Variants in NELL2 observed in about 807,000 individuals in gnomAD.
The protein encoded by NELL2 is protein kinase C-binding protein NELL2.
In NELL2, 41 loss-of-function variants were observed where a neutral mutation model predicts 109.6. The observed-to-expected ratio is 0.37, with a 90% CI of 0.29 to 0.49. NELL2 has a LOEUF of 0.49. Ranked by LOEUF, NELL2 falls within the 20% of genes least tolerant of loss-of-function variation. The probability of loss-of-function intolerance (pLI) is 0.98; values close to 1 mark genes in which losing one functional copy is unlikely to be tolerated. For synonymous variants in NELL2, 355 were observed against 344.7 expected, an observed-to-expected ratio of 1.03 and a Z score of -0.33; for missense variants, 900 against 1,008.3, an observed-to-expected ratio of 0.89 and a Z score of 1.45.
chr12:44,784,974 G>A (rs1453822152), intron 3 of NELL2, among the ~76,000 whole-genome samples: 1 of 152,168 alleles, frequency 6.6e-6, no homozygotes, highest in Non-Finnish European at 1.5e-5. Flanking sequence ...ACCGGCACAA[G>A]ACAAGGATGC....
At position 44,821,371 on chromosome 12, in the gene NELL2, G is replaced by T. The variant is rs568559325; in HGVS notation, c.185-5235C>A. 6.6e-5 allele frequency among the ~76,000 whole-genome samples: 10 copies of T among 152,250 alleles called. No individual in the cohort carries two copies. In the South Asian group the frequency reaches 1.7e-3, roughly 25 times the overall value. On this transcript the variant is annotated intron_variant, in intron 2 of 19. Coordinates refer to ENST00000429094, the MANE Select transcript of NELL2 (RefSeq NM_001145108.2). ...CCTGAACATGGCATCCTTTATCCAT[G>T]CCTAATTGCCAGTCACAAACAAATG...
chr12:44,534,729 T>C (rs985173550), intron 15 of NELL2, among the ~76,000 whole-genome samples: 12 of 152,238 alleles, frequency 7.9e-5, no homozygotes, highest in Admixed American at 2.6e-4. Flanking sequence ...GTGAGTTTTA[T>C]TGGAAGAAAG....
intron 13 of NELL2, among the ~76,000 whole-genome samples, chr12:44,644,716 C>T (rs1361784747): frequency 1.4e-5 from 2 of 147,378 alleles, no homozygotes; most frequent in Non-Finnish European, 3.0e-5. Flanking sequence ...ACATAATGTG[C>T]TTTGATGCTC....
chr12:44,657,548 T>A (rs1566101079), intron 13 of NELL2, among the ~76,000 whole-genome samples: 2 of 152,268 alleles, frequency 1.3e-5, no homozygotes, highest in Middle Eastern at 6.8e-3. Context: ...GTCACATAGG[T>A]ATACACGTGC....
chr12:44,854,466 C>T (rs1015366735), intron 2 of NELL2, among the ~76,000 whole-genome samples: 1 of 152,002 alleles, frequency 6.6e-6, no homozygotes, highest in Non-Finnish European at 1.5e-5. Flanking sequence ...GAGGATGTTA[C>T]GGACATCAGG....
intron 19 of NELL2, among the ~76,000 whole-genome samples, chr12:44,512,373 T>C (rs896188216): frequency 5.3e-5 from 8 of 152,068 alleles, no homozygotes; most frequent in African/African-American, 1.9e-4. Context: ...TTGTGCACTG[T>C]TGGTGGGACT....
At chr12:44,538,721 G>A (rs1380750040) in intron 15 of NELL2, among the ~76,000 whole-genome samples, 1 of 152,058 alleles carries the variant, frequency 6.6e-6, no homozygotes, top group Non-Finnish European at 1.5e-5. Flanking sequence ...GTGGAGACAA[G>A]GATAAAGAAG....
At chr12:44,630,901 A>C (rs145343934) in intron 13 of NELL2, among the ~76,000 whole-genome samples, 224 of 152,220 alleles carry the variant, frequency 1.5e-3, no homozygotes, top group African/African-American at 4.8e-3. Flanking sequence ...TCACTGACTC[A>C]AGAATATGGT....
chr12:44,582,739 G>A (rs1403155643), intron 15 of NELL2, among the ~76,000 whole-genome samples: 1 of 152,090 alleles, frequency 6.6e-6, no homozygotes, highest in Non-Finnish European at 1.5e-5. Flanking sequence ...ACAGAGTATT[G>A]TTTGGTGCTA....
At chr12:44,889,518 C>T (rs1200226580) in intron 1 of NELL2, among the ~76,000 whole-genome samples, 1 of 151,974 alleles carries the variant, frequency 6.6e-6, no homozygotes, top group Non-Finnish European at 1.5e-5. Context: ...TCCACATGGA[C>T]CCAGCCGGTG....
At chr12:44,562,914 C>CCCAA (rs1461827996) in intron 15 of NELL2, among the ~76,000 whole-genome samples, 1 of 152,158 alleles carries the variant, frequency 6.6e-6, no homozygotes, top group Non-Finnish European at 1.5e-5. Context: ...TTGGAAGCAA[C>CCCAA]CCAAATGCCC....
intron 3 of NELL2, among the ~76,000 whole-genome samples, chr12:44,814,571 C>G (rs1329191925): frequency 6.6e-6 from 1 of 152,162 alleles, no homozygotes; most frequent in Admixed American, 6.5e-5. Context: ...TGGGATTGCT[C>G]CCTTTCTTGC....
At chr12:44,692,335 C>A (rs750336617) in intron 12 of NELL2, among the ~76,000 whole-genome samples, 10 of 152,148 alleles carry the variant, frequency 6.6e-5, no homozygotes, top group Non-Finnish European at 1.0e-4. Flanking sequence ...TTAAAGTCCA[C>A]TGTTCAGAAT....
intron 2 of NELL2, among the ~76,000 whole-genome samples, chr12:44,857,677 G>A (rs542939155): frequency 6.6e-6 from 1 of 152,290 alleles, no homozygotes; most frequent in Non-Finnish European, 1.5e-5. Context: ...AATTGTGCTT[G>A]TAAAGTAATT....
At chr12:44,787,084 A>C (rs1942206703) in intron 3 of NELL2, among the ~76,000 whole-genome samples, 1 of 152,236 alleles carries the variant, frequency 6.6e-6, no homozygotes, top group Non-Finnish European at 1.5e-5. Flanking sequence ...GCAGGGTCAT[A>C]GGATACAATA....
chr12:44,722,125 A>G (rs1938808353), intron 9 of NELL2, among the ~76,000 whole-genome samples: 1 of 152,172 alleles, frequency 6.6e-6, no homozygotes, highest in South Asian at 2.1e-4. Context: ...AGGAGAACCA[A>G]AACAATTTCA....
chr12:44,806,029 C>A (rs970501876), intron 3 of NELL2, among the ~76,000 whole-genome samples: 1 of 151,410 alleles, frequency 6.6e-6, no homozygotes, highest in African/African-American at 2.4e-5. Flanking sequence ...AAAATTATTT[C>A]TTCACTATGT....
intron 9 of NELL2, among the ~76,000 whole-genome samples, chr12:44,723,340 GA>G (rs1938892240): frequency 6.6e-6 from 1 of 152,132 alleles, no homozygotes; most frequent in Non-Finnish European, 1.5e-5. Flanking sequence ...AAATCGAAGA[GA>G]AAAATAAAAT....
intron 2 of NELL2, among the ~76,000 whole-genome samples, chr12:44,870,268 C>T (rs959169628): frequency 1.8e-4 from 27 of 152,282 alleles, no homozygotes; most frequent in Admixed American, 1.6e-3. Context: ...AATAGAGTCA[C>T]CAATAACCAT....
Sources: allele counts gnomAD v4.1 joint callset (sites outside exome capture counted in the v4.1 genomes callset), GRCh38; gene constraint gnomAD v4.1.1; transcripts MANE v1.5; gene names NCBI Gene and HGNC (gene_info 2026-07-23, HGNC 2026-07-21).